The following UMOD variants were observed in gnomAD, a reference collection of about 807,000 sequenced individuals.
The protein encoded by UMOD is Tamm-Horsfall urinary glycoprotein.
Under a neutral mutation model 66.0 loss-of-function variants are expected in UMOD, and 64 were observed. The observed-to-expected ratio is 0.97, with a 90% CI of 0.79 to 1.19. The LOEUF is 1.19. UMOD is among the 50% of genes most tolerant of loss of function. The pLI, the probability that UMOD is intolerant of heterozygous loss-of-function variation, is 0.00. For missense variants in UMOD, 764 were observed against 850.9 expected (o/e 0.90, Z 1.27); for synonymous variants, 398 against 352.7 (o/e 1.13, Z -1.44).
In UMOD at chr16:20,348,962, A is replaced by G. The variant is rs910090350; in HGVS notation, c.339T>C (p.Ala113=). 7 of 1,573,362 alleles carry G rather than the reference A, an allele frequency of 4.4e-6. No individual in the cohort carries two copies. In the Admixed American group the frequency reaches 9.2e-5, roughly 21 times the overall value. ...GLGCTDVDEC[A]EPGLSHCHAL... ...CGTGGCAGTGGCTAAGCCCAGGCTC[A>G]GCGCACTCATCCACGTCTGTGCAGC... The change falls in exon 3 of 11, where the codon GCT becomes GCC. Residue 113 remains alanine (A), a synonymous_variant. Transcript: ENST00000396138.
At chr16:20,349,888 C>G (rs1257734452) in intron 2 of UMOD, 2 of 1,503,194 alleles carry the variant, frequency 1.3e-6, no homozygotes, top group Non-Finnish European at 1.8e-6. Context: ...TAAAAATAAC[C>G]ATTAAAAAAA....
intron 5 of UMOD, 86 bp downstream of exon 5, chr16:20,346,040 C>T: frequency 7.4e-7 from 1 of 1,358,358 alleles, no homozygotes; most frequent in Non-Finnish European, 1.0e-6. Context: ...AAATAACTCC[C>T]CAAAGCTTCT....
intron 5 of UMOD, among the ~76,000 whole-genome samples, chr16:20,345,892 TA>T (rs748057228): frequency 6.6e-6 from 1 of 152,230 alleles, no homozygotes; most frequent in African/African-American, 2.4e-5. Context: ...AGCTGATGTT[TA>T]TTGAGCACTT....
intron 5 of UMOD, among the ~76,000 whole-genome samples, chr16:20,345,733 G>A (rs1965544295): frequency 6.6e-6 from 1 of 151,938 alleles, no homozygotes; most frequent in South Asian, 2.1e-4. Context: ...TAAGGATACA[G>A]ACCTTGCCTT....
intron 2 of UMOD, chr16:20,349,625 A>G: frequency 7.0e-7 from 1 of 1,423,452 alleles, no homozygotes; most frequent in Middle Eastern, 1.8e-4. Flanking sequence ...TCCACCATTC[A>G]TTTTTTGTGT....
intron 5 of UMOD, 48 bp from the exon 6 acceptor site, chr16:20,344,220 G>A: frequency 6.4e-7 from 1 of 1,567,484 alleles, no homozygotes; most frequent in Non-Finnish European, 8.8e-7. Flanking sequence ...GAGAGAAAGG[G>A]GCATGAGAAT....
intron 5 of UMOD, among the ~76,000 whole-genome samples, chr16:20,345,009 A>G (rs924855172): frequency 1.3e-5 from 2 of 152,052 alleles, no homozygotes; most frequent in East Asian, 3.9e-4. Flanking sequence ...GACATGAATT[A>G]TTTCTTTTTG....
chr16:20,338,635 A>G (rs1397509676), intron 7 of UMOD, among the ~76,000 whole-genome samples: 1 of 151,202 alleles, frequency 6.6e-6, no homozygotes, highest in African/African-American at 2.4e-5. Flanking sequence ...CTAGGATTAC[A>G]GGTGTGTGCC....
At chr16:20,349,744 T>G (rs1444152934) in intron 2 of UMOD, 8 of 1,540,464 alleles carry the variant, frequency 5.2e-6, no homozygotes, top group Non-Finnish European at 7.0e-6. Context: ...TGCCCCTCCC[T>G]TTCTTTGCAC....
In UMOD at chr16:20,337,253, G is replaced by A. The variant is rs116674896; in HGVS notation, c.1740+38C>T. On this transcript the variant is annotated intron_variant, in intron 8 of 10. Coordinates refer to ENST00000396138, the MANE Select transcript of UMOD (RefSeq NM_003361.4). ...TTTTCTTTGTGGCCAAATGTCTTTG[G>A]TTACAAGAGATGGGCTGGGGGAGGG... 2,689 of 1,612,648 alleles carry A rather than the reference G, an allele frequency of 1.7e-3. 33 individuals carry two copies. In the African/African-American group the frequency reaches 0.03, roughly 18 times the overall value.
intron 1 of UMOD, 98 bp from the exon 2 acceptor site, chr16:20,350,937 GTCACT>G: frequency 7.7e-7 from 1 of 1,307,032 alleles, no homozygotes; most frequent in Non-Finnish European, 1.0e-6. Context: ...TCCAGGAGGT[GTCACT>G]TATATGGACT....
chr16:20,335,550 T>A, intron 9 of UMOD, 30 bp from the exon 10 acceptor site: 1 of 1,611,222 alleles, frequency 6.2e-7, no homozygotes, highest in Non-Finnish European at 8.5e-7. Flanking sequence ...GATCAGTGAA[T>A]AAAGAATGCA....
chr16:20,350,513 A>G (rs1965838048), intron 2 of UMOD, 137 bp downstream of exon 2: 4 of 1,184,724 alleles, frequency 3.4e-6, no homozygotes, highest in Admixed American at 2.0e-5. Flanking sequence ...AAATGGACTT[A>G]GAATGAAGAC....
chr16:20,343,635 C>G (rs916772300), intron 6 of UMOD, among the ~76,000 whole-genome samples: 1 of 152,194 alleles, frequency 6.6e-6, no homozygotes, highest in African/African-American at 2.4e-5. Context: ...TTCCTGGGCT[C>G]AAGCGATCCT....
intron 6 of UMOD, among the ~76,000 whole-genome samples, chr16:20,343,735 C>T (rs924176144): frequency 2.6e-5 from 4 of 152,166 alleles, no homozygotes; most frequent in African/African-American, 9.7e-5. Context: ...TTTCCCAAAG[C>T]CAGGCTTAAT....
rs376787639 is a variant in UMOD, at chr16:20,349,044, G to A, written c.257C>T (p.Thr86Met). The change falls in exon 3 of 11, where the codon ACG becomes ATG. Residue 86 changes from threonine (T) to methionine (M), a missense_variant. Physicochemically the swap from Thr to Met is moderately conservative, Grantham distance 81. Transcript: ENST00000396138. ...GCAGACGCAGGAGAAGGAGCCTGGC[G>A]TGTTTACGCAGCTGCTGTTGGCGGA... ...NCSANSSCVN[T>M]PGSFSCVCPE... 6.2e-7 allele frequency: 1 copy of A among 1,602,486 alleles called. No homozygotes were observed. The highest frequency in any genetic ancestry group is 1.3e-5 in the African/African-American group (1 of 74,606).
chr16:20,338,007 T>C (rs1257048949), intron 7 of UMOD, among the ~76,000 whole-genome samples: 1 of 152,156 alleles, frequency 6.6e-6, no homozygotes, highest in African/African-American at 2.4e-5. Context: ...AGGATACCCA[T>C]AGGCTTTCTG....
At chr16:20,335,544 A>C (rs767485623) in intron 9 of UMOD, 24 bp from the exon 10 acceptor site, 11 of 1,612,992 alleles carry the variant, frequency 6.8e-6, no homozygotes, top group Non-Finnish European at 9.3e-6. Flanking sequence ...CAGAAGGATC[A>C]GTGAATAAAG....
intron 10 of UMOD, among the ~76,000 whole-genome samples, chr16:20,335,164 A>G (rs949440305): frequency 1.3e-5 from 2 of 152,176 alleles, no homozygotes; most frequent in African/African-American, 4.8e-5. Context: ...AAAAAGTGTT[A>G]GAGAGGAGGC....
Sources: gnomAD v4.1 joint callset for allele counts (sites outside exome capture counted in the v4.1 genomes callset) on GRCh38, gnomAD v4.1.1 for gene constraint, MANE v1.5 for transcripts, NCBI Gene and HGNC (gene_info 2026-07-23, HGNC 2026-07-21) for gene names.